Variants in DIAPH3 observed in about 807,000 individuals in gnomAD.
DIAPH3 encodes the protein diaphanous related formin 3.
In DIAPH3, 117 loss-of-function variants were observed where a neutral mutation model predicts 144.3. The observed-to-expected ratio is 0.81, with a 90% CI of 0.70 to 0.95. DIAPH3 has a LOEUF of 0.95. Ranked by LOEUF, DIAPH3 falls within the 40% of genes least tolerant of loss-of-function variation. The pLI, the probability that DIAPH3 is intolerant of heterozygous loss-of-function variation, is 0.00. For synonymous variants in DIAPH3, 519 were observed against 488.9 expected, an observed-to-expected ratio of 1.06 and a Z score of -0.81; for missense variants, 1,421 against 1,412.7, an observed-to-expected ratio of 1.01 and a Z score of -0.09.
At chr13:59,720,864 T>C (rs1467618951) in intron 27 of DIAPH3, among the ~76,000 whole-genome samples, 3 of 152,172 alleles carry the variant, frequency 2.0e-5, no homozygotes, top group Admixed American at 6.5e-5. Flanking sequence ...CCTCTGCAAG[T>C]ATTCACTGAC....
intron 27 of DIAPH3, among the ~76,000 whole-genome samples, chr13:59,770,080 C>A (rs1728187153): frequency 6.6e-6 from 1 of 151,956 alleles, no homozygotes; most frequent in South Asian, 2.1e-4. Flanking sequence ...ATTGAATCTC[C>A]CCTCCCCTAC....
intron 27 of DIAPH3, among the ~76,000 whole-genome samples, chr13:59,765,527 C>A (rs1347147085): frequency 6.6e-6 from 1 of 152,132 alleles, no homozygotes; most frequent in Admixed American, 6.5e-5. Context: ...ACCACAGTCA[C>A]CCTGATAGTA....
intron 23 of DIAPH3, among the ~76,000 whole-genome samples, chr13:59,834,281 A>G (rs1368898886): frequency 1.3e-5 from 2 of 151,778 alleles, no homozygotes; most frequent in African/African-American, 4.8e-5. Flanking sequence ...AGCATCACTC[A>G]TAATTGCCTA....
In DIAPH3 at chr13:59,980,781, T is replaced by C. The variant is rs1208984457; in HGVS notation, c.1545+14A>G. 3 of 1,605,490 alleles carry C rather than the reference T, an allele frequency of 1.9e-6. No homozygotes were observed. The highest frequency in any genetic ancestry group is 1.1e-5 in the South Asian group (1 of 90,854). ...TCCCCACAGAATACTATAAAGTTAGTGAAAACTACTTACTTTCTTGTAAAG... is the reference window on the plus strand; with the variant it reads ...TCCCCACAGAATACTATAAAGTTAGCGAAAACTACTTACTTTCTTGTAAAG... On this transcript the variant is annotated intron_variant, in intron 14 of 27. Coordinates refer to ENST00000400324, the MANE Select transcript of DIAPH3 (RefSeq NM_001042517.2).
intron 27 of DIAPH3, among the ~76,000 whole-genome samples, chr13:59,711,930 T>G (rs902613293): frequency 3.2e-4 from 49 of 152,206 alleles, no homozygotes; most frequent in African/African-American, 1.1e-3. Flanking sequence ...GAACTTGGCA[T>G]GAGGCAACCT....
chr13:59,935,198 G>C (rs538273678), intron 17 of DIAPH3, among the ~76,000 whole-genome samples: 281 of 152,250 alleles, frequency 1.8e-3, no homozygotes, highest in African/African-American at 6.5e-3. Context: ...TCAACTGCAG[G>C]CTGGGCAGAA....
chr13:59,844,845 T>C (rs897064242), intron 22 of DIAPH3, among the ~76,000 whole-genome samples: 1 of 152,260 alleles, frequency 6.6e-6, no homozygotes, highest in Middle Eastern at 3.4e-3. Flanking sequence ...GTAATCTCCA[T>C]ACCACAGAAG....
At chr13:60,032,428 T>C (rs963013305) in intron 5 of DIAPH3, among the ~76,000 whole-genome samples, 13 of 152,190 alleles carry the variant, frequency 8.5e-5, no homozygotes, top group Non-Finnish European at 4.4e-5. Context: ...ATATATCCTC[T>C]AAAATCTAGG....
intron 20 of DIAPH3, among the ~76,000 whole-genome samples, chr13:59,896,186 G>A (rs926596174): frequency 2.0e-5 from 3 of 152,240 alleles, no homozygotes; most frequent in Admixed American, 6.5e-5. Flanking sequence ...TTCTATATGA[G>A]TTTCTGTTCT....
chr13:60,116,192 T>C (rs1043787128), intron 2 of DIAPH3, among the ~76,000 whole-genome samples: 2 of 152,110 alleles, frequency 1.3e-5, no homozygotes, highest in South Asian at 4.1e-4. Context: ...CTATAAGACT[T>C]ACCTTAAATA....
intron 2 of DIAPH3, among the ~76,000 whole-genome samples, chr13:60,129,730 G>T (rs2059090456): frequency 2.0e-5 from 3 of 152,132 alleles, no homozygotes; most frequent in Non-Finnish European, 4.4e-5. Context: ...ATGTTGTAAG[G>T]GGGCAAACTT....
At chr13:60,144,098 A>G (rs894902067) in intron 1 of DIAPH3, among the ~76,000 whole-genome samples, 5 of 152,062 alleles carry the variant, frequency 3.3e-5, no homozygotes, top group African/African-American at 9.7e-5. Context: ...CGCAGGTACT[A>G]TGTTCCCCTC....
At chr13:60,032,739 C>A (rs529893297) in intron 5 of DIAPH3, among the ~76,000 whole-genome samples, 1 of 152,200 alleles carries the variant, frequency 6.6e-6, no homozygotes, top group African/African-American at 2.4e-5. Flanking sequence ...TTTCCCTCAT[C>A]GTCTTAGACA....
intron 27 of DIAPH3, among the ~76,000 whole-genome samples, chr13:59,769,014 ACT>A (rs1333863253): frequency 1.3e-5 from 2 of 152,116 alleles, no homozygotes; most frequent in Non-Finnish European, 2.9e-5. Context: ...CTTTCTGATT[ACT>A]CTCTATCCAT....
At chr13:59,774,040 C>G (rs1000705971) in intron 27 of DIAPH3, 149 bp downstream of exon 27, 2 of 750,210 alleles carry the variant, frequency 2.7e-6, no homozygotes, top group East Asian at 2.6e-5. Context: ...TACGAGTACG[C>G]AATCTCATAG....
In DIAPH3 at chr13:59,723,637, G is replaced by A. The variant is rs144919644; in HGVS notation, c.3319+50552C>T. Among the ~76,000 whole-genome samples the A allele has an allele frequency of 2.6e-4, 39 of 150,822 alleles. No homozygotes were observed. The East Asian group carries it at 7.4e-3, about 29-fold the overall frequency. ...TTTTTTTTTTCCTTTTTGAGATGAA[G>A]TCTCACACTGTCACCTGGGCTGGTG... On this transcript the variant is annotated intron_variant, in intron 27 of 27. Transcript: ENST00000400324.
intron 21 of DIAPH3, 68 bp from the exon 22 acceptor site, chr13:59,861,604 ATAT>A: frequency 6.7e-7 from 1 of 1,483,540 alleles, no homozygotes; most frequent in Non-Finnish European, 9.4e-7. Flanking sequence ...TACTTAAATA[ATAT>A]TAATACTGTA....
intron 3 of DIAPH3, among the ~76,000 whole-genome samples, chr13:60,104,543 G>A (rs2058354804): frequency 6.8e-6 from 1 of 146,556 alleles, no homozygotes; most frequent in Non-Finnish European, 1.5e-5. Flanking sequence ...ACAAATTTCA[G>A]TTTATCCTAA....
chr13:60,093,792 G>C, intron 3 of DIAPH3, 60 bp from the exon 4 acceptor site: 1 of 1,066,618 alleles, frequency 9.4e-7, no homozygotes. Context: ...AATTCTACAT[G>C]CACTACAAAT....
Sources: allele counts gnomAD v4.1 joint callset (sites outside exome capture counted in the v4.1 genomes callset), GRCh38; gene constraint gnomAD v4.1.1; transcripts MANE v1.5; gene names NCBI Gene and HGNC (gene_info 2026-07-23, HGNC 2026-07-21).